CHRM3: variants seen among roughly 807,000 people sequenced by gnomAD.
The protein encoded by CHRM3 is cholinergic receptor muscarinic 3.
Under a neutral mutation model 41.8 loss-of-function variants are expected in CHRM3, and 11 were observed. The observed-to-expected ratio is 0.26, with a 90% CI of 0.17 to 0.44. CHRM3 has a LOEUF of 0.44. Ranked by LOEUF, CHRM3 falls within the 20% of genes least tolerant of loss-of-function variation. The pLI is 1.00. For synonymous variants in CHRM3, 297 were observed against 301.4 expected (o/e 0.99, Z 0.15); for missense variants, 571 against 745.4 (o/e 0.77, Z 2.72).
intron 6 of CHRM3, among the ~76,000 whole-genome samples, chr1:239,858,521 G>GAA (rs35735156): frequency 0.55 from 78,951 of 143,554 alleles, 22,398 homozygotes; most frequent in Non-Finnish European, 0.62. Flanking sequence ...TTTTCATTTG[G>GAA]AAAAAAAAAA....
intron 3 of CHRM3, among the ~76,000 whole-genome samples, chr1:239,608,518 C>A (rs11805950): frequency 0.21 from 31,765 of 151,982 alleles, 4,807 homozygotes; most frequent in African/African-American, 0.43. Flanking sequence ...CTAAAATAAG[C>A]AACATGAGTA....
intron 2 of CHRM3, among the ~76,000 whole-genome samples, chr1:239,525,615 G>C (rs1484799261): frequency 6.6e-6 from 1 of 152,192 alleles, no homozygotes; most frequent in African/African-American, 2.4e-5. Flanking sequence ...ATAAATGAAT[G>C]AACTGACAAT....
intron 6 of CHRM3, among the ~76,000 whole-genome samples, chr1:239,859,419 G>GTT (rs36006673): frequency 1.0e-5 from 1 of 97,488 alleles, no homozygotes; most frequent in African/African-American, 4.2e-5. Flanking sequence ...TGTTGTTGTT[G>GTT]TTTTTTTTTT....
chr1:239,575,886 A>G (rs1326290374), intron 3 of CHRM3, among the ~76,000 whole-genome samples: 1 of 152,106 alleles, frequency 6.6e-6, no homozygotes, highest in Non-Finnish European at 1.5e-5. Flanking sequence ...TTCACATTGC[A>G]TGCAAACAAT....
At chr1:239,404,426 G>GAA (rs1175804866) in intron 1 of CHRM3, among the ~76,000 whole-genome samples, 5 of 104,836 alleles carry the variant, frequency 4.8e-5, no homozygotes, top group Admixed American at 1.9e-4. Flanking sequence ...AAGAAAGAAA[G>GAA]AAAGAAAGAA....
intron 5 of CHRM3, among the ~76,000 whole-genome samples, chr1:239,791,999 G>T (rs1238261293): frequency 6.6e-6 from 1 of 152,214 alleles, no homozygotes; most frequent in Non-Finnish European, 1.5e-5. Context: ...ACAGAGAAGA[G>T]TTCATTGAGA....
At chr1:239,669,997 A>G (rs1342684052) in intron 4 of CHRM3, among the ~76,000 whole-genome samples, 1 of 152,248 alleles carries the variant, frequency 6.6e-6, no homozygotes, top group Admixed American at 6.5e-5. Context: ...AATATTAAAG[A>G]TGACTCTTGA....
chr1:239,807,426 T>G (rs898021418), intron 5 of CHRM3, among the ~76,000 whole-genome samples: 2 of 152,200 alleles, frequency 1.3e-5, no homozygotes. Flanking sequence ...CCTTCTAAAC[T>G]TATCCTTCTC....
At chr1:239,406,282 T>C (rs1049564625) in intron 1 of CHRM3, among the ~76,000 whole-genome samples, 3 of 152,190 alleles carry the variant, frequency 2.0e-5, no homozygotes, top group Non-Finnish European at 4.4e-5. Context: ...AAAGTTCAAA[T>C]AGGCTTTGCA....
intron 5 of CHRM3, among the ~76,000 whole-genome samples, chr1:239,797,893 T>C (rs1669919049): frequency 6.6e-6 from 1 of 151,932 alleles, no homozygotes; most frequent in Non-Finnish European, 1.5e-5. Flanking sequence ...ACAAAAAAAT[T>C]AACAAATTAG....
intron 5 of CHRM3, among the ~76,000 whole-genome samples, chr1:239,787,334 G>A (rs1369196387): frequency 6.6e-6 from 1 of 152,052 alleles, no homozygotes; most frequent in Non-Finnish European, 1.5e-5. Context: ...AGGGAGTTTG[G>A]TTAAAGCCAC....
rs79176740 is a variant in CHRM3, at chr1:239,785,343, G to T, written c.-146-41909G>T. On this transcript the variant is annotated intron_variant, in intron 5 of 6. Transcript: ENST00000676153. ...GAGATGGAAAACATTATTAAACCCG[G>T]TTATGTGACTTCTTGAAGTTACATT... is the stretch of plus-strand genomic sequence containing the variant. Among the ~76,000 whole-genome samples, 1,444 of 152,294 alleles carry T rather than the reference G, an allele frequency of 9.5e-3. 23 individuals carry two copies. Among genetic ancestry groups the T allele is most frequent in the African/African-American group, 0.032 (1,334 of 41,572 alleles).
In CHRM3 at chr1:239,521,385, G is replaced by A. The variant is rs182606912; in HGVS notation, c.-421-24256G>A. ...ACAGTGAATCTTTGAGGATACGAGA[G>A]GACAATAGACCTTCTTCATTCTCCT... is the stretch of plus-strand genomic sequence containing the variant. On this transcript the variant is annotated intron_variant, in intron 2 of 6. Transcript: ENST00000676153. 3.1e-3 allele frequency among the ~76,000 whole-genome samples: 479 copies of A among 152,206 alleles called. 1 individual carries two copies. Among genetic ancestry groups the A allele is most frequent in the Admixed American group, 6.1e-3 (94 of 15,294 alleles).
At chr1:239,750,428 G>T (rs1264648480) in intron 5 of CHRM3, among the ~76,000 whole-genome samples, 1 of 152,194 alleles carries the variant, frequency 6.6e-6, no homozygotes, top group Non-Finnish European at 1.5e-5. Flanking sequence ...TTGACAGCTT[G>T]TGTTGCTTCC....
intron 4 of CHRM3, among the ~76,000 whole-genome samples, chr1:239,637,170 TAATTCTTG>T (rs1670549128): frequency 1.3e-5 from 2 of 152,178 alleles, no homozygotes; most frequent in South Asian, 4.1e-4. Context: ...TGATGACCTG[TAATTCTTG>T]ATCAATGGTC....
intron 3 of CHRM3, among the ~76,000 whole-genome samples, chr1:239,580,966 C>A (rs1662845854): frequency 6.6e-6 from 1 of 151,694 alleles, no homozygotes; most frequent in Admixed American, 6.6e-5. Flanking sequence ...GTCCTACTCA[C>A]AACATTTGGC....
chr1:239,771,396 G>A (rs910123749), intron 5 of CHRM3, among the ~76,000 whole-genome samples: 2 of 151,946 alleles, frequency 1.3e-5, no homozygotes, highest in Non-Finnish European at 2.9e-5. Context: ...TCTCCACACT[G>A]CCACCTGGAT....
intron 5 of CHRM3, among the ~76,000 whole-genome samples, chr1:239,808,718 T>C (rs1368502902): frequency 6.6e-6 from 1 of 152,182 alleles, no homozygotes; most frequent in Non-Finnish European, 1.5e-5. Flanking sequence ...TCCTGTACTT[T>C]CTGTGATAGC....
chr1:239,867,755 AC>A (rs1477875369), intron 6 of CHRM3, among the ~76,000 whole-genome samples: 1 of 151,888 alleles, frequency 6.6e-6, no homozygotes, highest in Non-Finnish European at 1.5e-5. Flanking sequence ...CTAGAAAAAT[AC>A]AAGGTATTCT....
Sources: allele counts gnomAD v4.1 joint callset (sites outside exome capture counted in the v4.1 genomes callset), GRCh38; gene constraint gnomAD v4.1.1; transcripts MANE v1.5; gene names NCBI Gene and HGNC (gene_info 2026-07-23, HGNC 2026-07-21).